The following IQGAP2 variants were observed in gnomAD, a reference collection of about 807,000 sequenced individuals.
IQGAP2 encodes the protein ras GTPase-activating-like protein IQGAP2.
A neutral mutation model predicts 201.3 loss-of-function variants in IQGAP2; 173 were observed. That is an observed-to-expected ratio of 0.86 (90% confidence interval 0.76 to 0.98). The LOEUF (loss-of-function observed/expected upper bound fraction) is 0.98, where lower values mean the gene tolerates loss of function less well. IQGAP2 is among the 50% of genes least tolerant of loss of function. IQGAP2 has a pLI of 0.00. For synonymous variants in IQGAP2, 675 were observed against 673.9 expected (o/e 1.00, Z -0.03); for missense variants, 1,687 against 1,864.8 (o/e 0.90, Z 1.76).
intron 2 of IQGAP2, among the ~76,000 whole-genome samples, chr5:76,537,097 G>A (rs1561446314): frequency 6.6e-6 from 1 of 152,186 alleles, no homozygotes; most frequent in Non-Finnish European, 1.5e-5. Context: ...TTAAAACACA[G>A]TTTACGTTTC....
chr5:76,606,354 T>C (rs1747804309), intron 12 of IQGAP2, 51 bp downstream of exon 12: 9 of 1,483,006 alleles, frequency 6.1e-6, no homozygotes, highest in Non-Finnish European at 8.1e-6. Context: ...AGAAGGTATC[T>C]GGACAACTTA....
At chr5:76,531,548 C>G (rs1031892805) in intron 2 of IQGAP2, among the ~76,000 whole-genome samples, 2 of 152,148 alleles carry the variant, frequency 1.3e-5, no homozygotes, top group South Asian at 2.1e-4. Context: ...TCAATACCTC[C>G]CATTAGGCTG....
intron 2 of IQGAP2, among the ~76,000 whole-genome samples, chr5:76,473,364 G>A (rs188321113): frequency 1.1e-4 from 16 of 151,752 alleles, no homozygotes; most frequent in African/African-American, 3.9e-4. Flanking sequence ...CCTGTGAACT[G>A]TTTCTATTTT....
chr5:76,517,369 T>C (rs1489516596), intron 2 of IQGAP2, among the ~76,000 whole-genome samples: 1 of 152,200 alleles, frequency 6.6e-6, no homozygotes, highest in Non-Finnish European at 1.5e-5. Context: ...TCTAACTGCA[T>C]TCAACTCTTC....
At chr5:76,686,344 TTGTTGTTGTTGTTG>T (rs1745748564) in intron 30 of IQGAP2, among the ~76,000 whole-genome samples, 1 of 98,202 alleles carries the variant, frequency 1.0e-5, no homozygotes, top group Non-Finnish European at 2.0e-5. Context: ...GTTTTTTTTG[TTGTTGTTGTTGTTG>T]TTGTTGTTGT....
chr5:76,621,653 G>T (rs1241755571), intron 13 of IQGAP2, among the ~76,000 whole-genome samples: 1 of 152,224 alleles, frequency 6.6e-6, no homozygotes, highest in Non-Finnish European at 1.5e-5. Context: ...ATGCCAAACA[G>T]TGCCTGTGTT....
intron 2 of IQGAP2, among the ~76,000 whole-genome samples, chr5:76,534,030 T>A (rs1230606927): frequency 6.6e-6 from 1 of 152,228 alleles, no homozygotes; most frequent in Non-Finnish European, 1.5e-5. Flanking sequence ...AAGGCCATCC[T>A]TCTCCAGGGT....
chr5:76,497,885 G>A (rs982229605), intron 2 of IQGAP2, among the ~76,000 whole-genome samples: 4 of 152,254 alleles, frequency 2.6e-5, no homozygotes, highest in African/African-American at 9.6e-5. Flanking sequence ...TTTTTCTGCT[G>A]TACACAGGTG....
intron 17 of IQGAP2, among the ~76,000 whole-genome samples, chr5:76,652,088 G>A (rs951242632): frequency 2.6e-5 from 4 of 152,302 alleles, no homozygotes; most frequent in Admixed American, 1.3e-4. Context: ...AACTGTAACA[G>A]TTATGAATTT....
At chr5:76,516,142 T>C (rs1009181441) in intron 2 of IQGAP2, among the ~76,000 whole-genome samples, 1 of 152,108 alleles carries the variant, frequency 6.6e-6, no homozygotes, top group African/African-American at 2.4e-5. Flanking sequence ...CCCAGAGTTC[T>C]GAGATTACAG....
intron 35 of IQGAP2, among the ~76,000 whole-genome samples, chr5:76,704,637 T>C (rs1199408374): frequency 6.6e-6 from 1 of 152,212 alleles, no homozygotes; most frequent in African/African-American, 2.4e-5. Context: ...AGTGCCCTGT[T>C]TTTAAAATTA....
At chr5:76,555,180 C>A (rs1743853744) in intron 2 of IQGAP2, among the ~76,000 whole-genome samples, 1 of 152,086 alleles carries the variant, frequency 6.6e-6, no homozygotes, top group Non-Finnish European at 1.5e-5. Context: ...TATAAGGTTT[C>A]TTTTTCGGTG....
chr5:76,496,696 TTCTGTC>T (rs1339566588), intron 2 of IQGAP2, among the ~76,000 whole-genome samples: 10 of 120,516 alleles, frequency 8.3e-5, no homozygotes, highest in Non-Finnish European at 1.6e-4. Context: ...TTTTCTTTCT[TTCTGTC>T]TCTTTCTTTC....
chr5:76,424,271 T>G (rs1199889109), intron 1 of IQGAP2, among the ~76,000 whole-genome samples: 1 of 152,170 alleles, frequency 6.6e-6, no homozygotes, highest in African/African-American at 2.4e-5. Flanking sequence ...TTCTTTTATT[T>G]ATAAACCTTT....
chr5:76,470,011 C>G (rs1755017461), intron 2 of IQGAP2, among the ~76,000 whole-genome samples: 1 of 152,178 alleles, frequency 6.6e-6, no homozygotes, highest in Non-Finnish European at 1.5e-5. Flanking sequence ...TTGGGTCTCT[C>G]ACAAAGCTGC....
At chr5:76,494,379 A>G (rs910130978) in intron 2 of IQGAP2, among the ~76,000 whole-genome samples, 2 of 152,216 alleles carry the variant, frequency 1.3e-5, no homozygotes, top group African/African-American at 4.8e-5. Flanking sequence ...GAGGATAAAA[A>G]TGTTGTAACC....
chr5:76,418,658 T>G (rs1667347792), intron 1 of IQGAP2, among the ~76,000 whole-genome samples: 1 of 152,020 alleles, frequency 6.6e-6, no homozygotes, highest in Non-Finnish European at 1.5e-5. Flanking sequence ...AGACCCATGC[T>G]GTAGGAAAAT....
intron 1 of IQGAP2, among the ~76,000 whole-genome samples, chr5:76,434,313 G>A (rs1031913615): frequency 2.0e-5 from 3 of 152,024 alleles, no homozygotes; most frequent in East Asian, 3.9e-4. Context: ...CATTGTGCCC[G>A]ATACATAGTT....
At chr5:76,670,534 C>G (rs1249084589) in intron 23 of IQGAP2, among the ~76,000 whole-genome samples, 1 of 151,908 alleles carries the variant, frequency 6.6e-6, no homozygotes, top group South Asian at 2.1e-4. Context: ...ATAAACAAAA[C>G]TAGCATTTAA....
Sources: gnomAD v4.1 joint callset for allele counts (sites outside exome capture counted in the v4.1 genomes callset) on GRCh38, gnomAD v4.1.1 for gene constraint, MANE v1.5 for transcripts, NCBI Gene and HGNC (gene_info 2026-07-23, HGNC 2026-07-21) for gene names.